Variants in DNAI7 observed in about 807,000 individuals in gnomAD.
The protein encoded by DNAI7 is dynein axonemal intermediate chain 7.
DNAI7 carries 78 observed loss-of-function variants against 86.6 expected under a neutral mutation model. That is an observed-to-expected ratio of 0.90 (90% confidence interval 0.75 to 1.09). DNAI7 has a LOEUF of 1.09. Among genes scored for constraint, DNAI7 ranks in the 50% least tolerant of loss-of-function variants. DNAI7 has a pLI of 0.00. For synonymous variants in DNAI7, 274 were observed against 273.0 expected, an observed-to-expected ratio of 1.00 and a Z score of -0.04; for missense variants, 753 against 810.2, an observed-to-expected ratio of 0.93 and a Z score of 0.86.
At chr12:25,185,248 G>C (rs975379833) in intron 2 of DNAI7, among the ~76,000 whole-genome samples, 2 of 151,988 alleles carry the variant, frequency 1.3e-5, no homozygotes, top group African/African-American at 4.8e-5. Context: ...CTGTATTATT[G>C]CCTCTTAAAT....
rs372316355 is a variant in DNAI7, at chr12:25,192,519, T to C, written c.4-1888A>G. 5.3e-5 allele frequency among the ~76,000 whole-genome samples: 8 copies of C among 152,278 alleles called. No homozygotes were observed. In the South Asian group the frequency reaches 6.2e-4, roughly 12 times the overall value. On this transcript the variant is annotated intron_variant, in intron 1 of 15. Coordinates refer to ENST00000395987, the MANE Select transcript of DNAI7 (RefSeq NM_018272.5). ...GGTTTAGTAGATGTTATGGGCTGAA[T>C]TGTATTGCTCAAAAAATTACATGTT...
chr12:25,139,028 A>G (rs1943889557), intron 9 of DNAI7, among the ~76,000 whole-genome samples: 1 of 152,154 alleles, frequency 6.6e-6, no homozygotes, highest in South Asian at 2.1e-4. Flanking sequence ...GAGAGATACT[A>G]CAACTGATAG....
At chr12:25,191,301 G>A (rs1204998530) in intron 1 of DNAI7, among the ~76,000 whole-genome samples, 1 of 152,136 alleles carries the variant, frequency 6.6e-6, no homozygotes, top group Non-Finnish European at 1.5e-5. Context: ...AGCTACTTGG[G>A]AGGCTGAGGT....
intron 9 of DNAI7, among the ~76,000 whole-genome samples, chr12:25,131,329 TCA>T (rs1225241963): frequency 6.6e-6 from 1 of 152,204 alleles, no homozygotes; most frequent in Non-Finnish European, 1.5e-5. Flanking sequence ...ATACATTTTG[TCA>T]CACACACAAA....
chr12:25,189,659 C>T (rs1950331167), intron 2 of DNAI7, among the ~76,000 whole-genome samples: 1 of 151,992 alleles, frequency 6.6e-6, no homozygotes, highest in African/African-American at 2.4e-5. Flanking sequence ...CAAAACAAAA[C>T]AAAACCAAGA....
intron 6 of DNAI7, among the ~76,000 whole-genome samples, chr12:25,153,617 T>C (rs569367165): frequency 1.2e-4 from 19 of 152,330 alleles, no homozygotes; most frequent in African/African-American, 3.8e-4. Flanking sequence ...GTATGTACTC[T>C]AGGCTTTGCC....
At chr12:25,132,956 A>G (rs1201420938) in intron 9 of DNAI7, among the ~76,000 whole-genome samples, 1 of 152,146 alleles carries the variant, frequency 6.6e-6, no homozygotes, top group East Asian at 1.9e-4. Flanking sequence ...GCTTTGTTTT[A>G]TAATGAGGTT....
intron 1 of DNAI7, among the ~76,000 whole-genome samples, chr12:25,191,740 T>G (rs1424897859): frequency 2.6e-5 from 4 of 152,168 alleles, no homozygotes; most frequent in Admixed American, 1.3e-4. Context: ...GGTAAAGCTA[T>G]GATAAAATGA....
chr12:25,136,933 A>G (rs1047323791), intron 9 of DNAI7, among the ~76,000 whole-genome samples: 7 of 152,204 alleles, frequency 4.6e-5, no homozygotes, highest in African/African-American at 1.7e-4. Flanking sequence ...AACCAAATCA[A>G]AGAATAACTG....
intron 9 of DNAI7, among the ~76,000 whole-genome samples, chr12:25,127,643 A>T (rs867071369): frequency 6.6e-6 from 1 of 152,220 alleles, no homozygotes; most frequent in Non-Finnish European, 1.5e-5. Flanking sequence ...TCTTGTCTCA[A>T]TGTATACGAG....
intron 2 of DNAI7, among the ~76,000 whole-genome samples, chr12:25,178,962 C>T (rs934997867): frequency 1.3e-5 from 2 of 151,498 alleles, no homozygotes; most frequent in African/African-American, 4.9e-5. Flanking sequence ...TTTCTGAATT[C>T]TTGAGAAGGA....
chr12:25,158,558 CT>C lies in DNAI7; in HGVS notation c.111del (p.Ala38ProfsTer3). The C allele has an allele frequency of 6.2e-7, 1 of 1,611,400 alleles. No individual in the cohort carries two copies. ...TCTTCTTTCTCATATTTCAAACGGGCTTCCTCTAAAGAACCAAAAATAATTT... is the reference window on the plus strand; with the variant it reads ...TCTTCTTTCTCATATTTCAAACGGGCTCCTCTAAAGAACCAAAAATAATTT... ...EEERRLKEEE[E>X]ARLKYEKEEM... On this transcript the variant is annotated frameshift_variant, in exon 4 of 16. Transcript: ENST00000395987. LOFTEE classifies it high-confidence loss of function.
chr12:25,171,098 C>T (rs190283324), intron 2 of DNAI7, among the ~76,000 whole-genome samples: 1 of 151,926 alleles, frequency 6.6e-6, no homozygotes, highest in Non-Finnish European at 1.5e-5. Flanking sequence ...CAAACCCAAA[C>T]CCAGCAGAAG....
chr12:25,164,759 C>T (rs1245067148), intron 2 of DNAI7, among the ~76,000 whole-genome samples: 1 of 152,068 alleles, frequency 6.6e-6, no homozygotes, highest in Non-Finnish European at 1.5e-5. Flanking sequence ...CCACGCGTCG[C>T]TGAGTCTTCC....
intron 9 of DNAI7, among the ~76,000 whole-genome samples, chr12:25,141,837 G>GA (rs71065912): frequency 7.4e-5 from 11 of 148,578 alleles, no homozygotes; most frequent in African/African-American, 1.3e-4. Context: ...CTCAAAAAAA[G>GA]AAAAAAAAAA....
Position 25,108,326 on chromosome 12 carries a change from T to TAAATCTTCATAGAGTG in DNAI7, c.*206_*221dup. On this transcript the variant is annotated 3_prime_UTR_variant, in exon 16 of 16. Coordinates refer to ENST00000395987, the MANE Select transcript of DNAI7 (RefSeq NM_018272.5). Reference sequence around the variant, plus strand: ...AAGTTTATTGAAATAAAGAATCATTTAAATCTTCATAGAGTGAAAGCTGAA... The same window carrying TAAATCTTCATAGAGTG: ...AAGTTTATTGAAATAAAGAATCATTTAAATCTTCATAGAGTGAAATCTTCATAGAGTGAAAGCTGAA... The TAAATCTTCATAGAGTG allele has an allele frequency of 3.7e-6, 2 of 543,974 alleles. No homozygotes were observed. 33.7% of individuals were successfully genotyped at this position (543,974 alleles called of 1,614,324 possible). A position where few individuals can be genotyped will look rare whatever the true frequency, so the allele number is the denominator to read the frequency against.
intron 2 of DNAI7, among the ~76,000 whole-genome samples, chr12:25,182,916 GAAGA>G (rs2141300525): frequency 6.6e-6 from 1 of 150,644 alleles, no homozygotes; most frequent in South Asian, 2.1e-4. Flanking sequence ...GAAGTGAAAA[GAAGA>G]AAGGAAAGAA....
chr12:25,160,416 T>G (rs529218611), intron 3 of DNAI7, among the ~76,000 whole-genome samples: 21 of 152,358 alleles, frequency 1.4e-4, no homozygotes, highest in Admixed American at 1.3e-3. Flanking sequence ...GACTCCACCC[T>G]GACTCATTCT....
chr12:25,176,097 C>CA (rs144678233), intron 2 of DNAI7, among the ~76,000 whole-genome samples: 10,999 of 151,732 alleles, frequency 0.072, 421 homozygotes, highest in South Asian at 0.13. Flanking sequence ...GGGATATATC[C>CA]AATAGAATCT....
Sources: gnomAD v4.1 joint callset for allele counts (sites outside exome capture counted in the v4.1 genomes callset) on GRCh38, gnomAD v4.1.1 for gene constraint, MANE v1.5 for transcripts, NCBI Gene and HGNC (gene_info 2026-07-23, HGNC 2026-07-21) for gene names.